NTM: variants seen among roughly 807,000 people sequenced by gnomAD.
NTM encodes neurotrimin, also known as IgLON family member 2.
Under a neutral mutation model 42.1 loss-of-function variants are expected in NTM, and 13 were observed. The observed-to-expected ratio is 0.31, with a 90% CI of 0.20 to 0.49. NTM has a LOEUF of 0.49. Ranked by LOEUF, NTM falls within the 20% of genes least tolerant of loss-of-function variation. NTM has a pLI of 0.99. For synonymous variants in NTM, 187 were observed against 179.2 expected (o/e 1.04, Z -0.35); for missense variants, 373 against 452.8 (o/e 0.82, Z 1.60).
At chr11:131,799,647 T>A (rs2091936690) in intron 1 of NTM, among the ~76,000 whole-genome samples, 1 of 152,120 alleles carries the variant, frequency 6.6e-6, no homozygotes, top group Non-Finnish European at 1.5e-5. Flanking sequence ...AGGAGGCAGG[T>A]TCTGGAGCTT....
intron 2 of NTM, among the ~76,000 whole-genome samples, chr11:132,061,077 ATTTC>A (rs958767552): frequency 2.0e-5 from 3 of 152,144 alleles, no homozygotes; most frequent in Admixed American, 6.5e-5. Flanking sequence ...ATTTTTTTCT[ATTTC>A]TTCTTTTCCT....
At chr11:131,870,001 T>G (rs2047612661) in intron 1 of NTM, among the ~76,000 whole-genome samples, 1 of 152,198 alleles carries the variant, frequency 6.6e-6, no homozygotes, top group Non-Finnish European at 1.5e-5. Context: ...AGACGCTAAT[T>G]TTACAAGATG....
chr11:132,128,704 G>T (rs908564251), intron 2 of NTM, among the ~76,000 whole-genome samples: 2 of 151,728 alleles, frequency 1.3e-5, no homozygotes. Context: ...CACGAGGTCA[G>T]GAGATCAAGA....
intron 1 of NTM, among the ~76,000 whole-genome samples, chr11:131,550,472 C>T (rs930096777): frequency 6.6e-5 from 10 of 152,180 alleles, no homozygotes; most frequent in East Asian, 3.9e-4. Context: ...ATAGTGGGTG[C>T]GTTATCATGA....
At chr11:132,049,912 G>T (rs548061151) in intron 2 of NTM, among the ~76,000 whole-genome samples, 2 of 152,244 alleles carry the variant, frequency 1.3e-5, no homozygotes, top group South Asian at 4.1e-4. Context: ...TTTGCTGGGT[G>T]GGGGGCCCTT....
At chr11:131,510,240 G>A (rs1317959246) in intron 1 of NTM, among the ~76,000 whole-genome samples, 2 of 152,156 alleles carry the variant, frequency 1.3e-5, no homozygotes, top group Non-Finnish European at 2.9e-5. Context: ...GCATCCCTCC[G>A]CCTGCCTTGC....
chr11:132,163,873 G>T (rs558046124), intron 3 of NTM, among the ~76,000 whole-genome samples: 2 of 152,290 alleles, frequency 1.3e-5, no homozygotes, highest in East Asian at 3.9e-4. Flanking sequence ...TTTACTGGGG[G>T]TAAGCCCATG....
chr11:131,445,671 G>T (rs532524246), intron 1 of NTM, among the ~76,000 whole-genome samples: 1 of 152,290 alleles, frequency 6.6e-6, no homozygotes, highest in East Asian at 1.9e-4. Flanking sequence ...TGACTTGCTT[G>T]TTTTTCCAAA....
At chr11:132,330,224 G>A (rs1466624580) in intron 8 of NTM, 39 bp downstream of exon 8, 1 of 1,535,346 alleles carries the variant, frequency 6.5e-7, no homozygotes, top group East Asian at 2.5e-5. Context: ...CTTGGTGGGT[G>A]TGGGGTATGT....
At chr11:132,104,964 T>C (rs1399839014) in intron 2 of NTM, among the ~76,000 whole-genome samples, 1 of 116,796 alleles carries the variant, frequency 8.6e-6, no homozygotes. Context: ...TATATATATA[T>C]ATATATATAT....
At chr11:132,203,099 A>C (rs1314021964) in intron 3 of NTM, among the ~76,000 whole-genome samples, 1 of 152,188 alleles carries the variant, frequency 6.6e-6, no homozygotes, top group East Asian at 1.9e-4. Flanking sequence ...TGCTGACAAA[A>C]GAATGGGGTC....
Position 132,029,710 on chromosome 11 carries a change from G to A in NTM, c.168-116572G>A, listed in dbSNP as rs79484809. 4.7e-3 allele frequency among the ~76,000 whole-genome samples: 708 copies of A among 152,132 alleles called. 9 individuals carry two copies. The highest frequency in any genetic ancestry group is 0.016 in the African/African-American group (671 of 41,484). On this transcript the variant is annotated intron_variant, in intron 2 of 8. Coordinates refer to ENST00000683400, the MANE Select transcript of NTM (RefSeq NM_001352005.2). ...AAAAGTGGGAAATAGAGTGAACATC[G>A]GCTTATAGTTACTACTATTTGTTCT...
intron 1 of NTM, among the ~76,000 whole-genome samples, chr11:131,789,942 C>T (rs1418357160): frequency 1.8e-4 from 20 of 111,180 alleles, no homozygotes; most frequent in East Asian, 5.5e-4. Flanking sequence ...GGCGACAGAG[C>T]GAGACTCCGT....
At position 131,413,925 on chromosome 11, in the gene NTM, C is replaced by A. The variant is rs143939107; in HGVS notation, c.82+43037C>A. Among the ~76,000 whole-genome samples the A allele has an allele frequency of 7.9e-5, 12 of 152,118 alleles. No individual in the cohort carries two copies. In the East Asian group the frequency reaches 2.3e-3, roughly 29 times the overall value. On this transcript the variant is annotated intron_variant, in intron 1 of 8. Coordinates refer to ENST00000683400, the MANE Select transcript of NTM (RefSeq NM_001352005.2). The stretch of plus-strand genomic sequence containing the variant: ...ACCATGAGGACAAGGCCTCCTGTGG[C>A]GAAAGGCAGAGGGAAGGTGCAGGGA...
chr11:131,788,280 A>T (rs1398202620), intron 1 of NTM, among the ~76,000 whole-genome samples: 1 of 152,086 alleles, frequency 6.6e-6, no homozygotes, highest in Non-Finnish European at 1.5e-5. Flanking sequence ...CAACTTAAAA[A>T]AATTTATTAC....
chr11:131,426,318 G>T (rs1948131778), intron 1 of NTM, among the ~76,000 whole-genome samples: 1 of 152,122 alleles, frequency 6.6e-6, no homozygotes, highest in Non-Finnish European at 1.5e-5. Flanking sequence ...CCAGGACAGT[G>T]GTGGGAAGGG....
chr11:131,489,583 T>C (rs148766696), intron 1 of NTM, among the ~76,000 whole-genome samples: 105 of 152,356 alleles, frequency 6.9e-4, no homozygotes, highest in African/African-American at 2.3e-3. Flanking sequence ...AAGGTATCCT[T>C]CAGCCACAGC....
rs114145107 is a variant in NTM at position 131,698,697 on chromosome 11, G to A, written c.83-212867G>A. 4.3e-3 allele frequency among the ~76,000 whole-genome samples: 652 copies of A among 152,310 alleles called. 6 individuals are homozygous for A. Among genetic ancestry groups the A allele is most frequent in the African/African-American group, 0.015 (627 of 41,572 alleles). On this transcript the variant is annotated intron_variant, in intron 1 of 8. Transcript: ENST00000683400. Reference sequence around the variant, plus strand: ...TTTCCAAGGTGTACATGGCGAGTTCGCATCAAAGTCAGAACCAGCGCCCTC... The same window carrying A: ...TTTCCAAGGTGTACATGGCGAGTTCACATCAAAGTCAGAACCAGCGCCCTC...
chr11:131,946,189 C>T (rs891073499), intron 2 of NTM, among the ~76,000 whole-genome samples: 6 of 152,062 alleles, frequency 3.9e-5, no homozygotes, highest in Admixed American at 6.6e-5. Context: ...GGGAGACTCG[C>T]GGGAGACTGG....
Sources: gnomAD v4.1 joint callset for allele counts (sites outside exome capture counted in the v4.1 genomes callset) on GRCh38, gnomAD v4.1.1 for gene constraint, MANE v1.5 for transcripts, NCBI Gene and HGNC (gene_info 2026-07-23, HGNC 2026-07-21) for gene names.